The following NKAIN2 variants were observed in gnomAD, a reference collection of about 807,000 sequenced individuals.
NKAIN2 encodes sodium/potassium transporting ATPase interacting 2.
NKAIN2 carries 14 observed loss-of-function variants against 32.6 expected under a neutral mutation model. The observed-to-expected ratio is 0.43, with a 90% CI of 0.28 to 0.67. The LOEUF (loss-of-function observed/expected upper bound fraction) is 0.67. Among genes scored for constraint, NKAIN2 ranks in the 30% least tolerant of loss-of-function variants. The pLI is 0.17. For synonymous variants in NKAIN2, 80 were observed against 87.2 expected (o/e 0.92, Z 0.46); for missense variants, 198 against 258.3 (o/e 0.77, Z 1.60).
At chr6:124,323,556 C>T (rs1225848089) in intron 2 of NKAIN2, among the ~76,000 whole-genome samples, 2 of 151,964 alleles carry the variant, frequency 1.3e-5, no homozygotes, top group Non-Finnish European at 2.9e-5. Flanking sequence ...ACTACTCTTT[C>T]CCCCCACTTA....
intron 3 of NKAIN2, among the ~76,000 whole-genome samples, chr6:124,382,295 G>C (rs1033710280): frequency 3.4e-4 from 51 of 152,044 alleles, no homozygotes; most frequent in African/African-American, 1.2e-3. Context: ...AGGAGAAATT[G>C]ATTTATGAAC....
chr6:124,767,045 C>T, intron 4 of NKAIN2, among the ~76,000 whole-genome samples: 1 of 152,104 alleles, frequency 6.6e-6, no homozygotes, highest in Non-Finnish European at 1.5e-5. Flanking sequence ...TAGGCATCCG[C>T]CATCACGCCC....
At chr6:124,474,146 A>C (rs1049145739) in intron 3 of NKAIN2, among the ~76,000 whole-genome samples, 2 of 151,756 alleles carry the variant, frequency 1.3e-5, no homozygotes, top group East Asian at 3.9e-4. Flanking sequence ...TCTATCGCCC[A>C]GGCTAGCGTG....
At chr6:124,056,490 A>G (rs537504834) in intron 1 of NKAIN2, among the ~76,000 whole-genome samples, 2 of 152,084 alleles carry the variant, frequency 1.3e-5, no homozygotes, top group African/African-American at 2.4e-5. Flanking sequence ...AAAATTGCAA[A>G]CCTACCTCCT....
At chr6:123,976,756 C>A (rs146504731) in intron 1 of NKAIN2, among the ~76,000 whole-genome samples, 63 of 152,062 alleles carry the variant, frequency 4.1e-4, no homozygotes, top group Non-Finnish European at 6.5e-4. Context: ...TTATATGCAA[C>A]TGAATTGGAA....
intron 1 of NKAIN2, among the ~76,000 whole-genome samples, chr6:124,056,125 A>G: frequency 6.6e-6 from 1 of 152,018 alleles, no homozygotes; most frequent in East Asian, 1.9e-4. Flanking sequence ...CTTGCAGTAG[A>G]TTTGGCTGAG....
chr6:123,834,717 G>A (rs1774540072), intron 1 of NKAIN2, among the ~76,000 whole-genome samples: 2 of 152,078 alleles, frequency 1.3e-5, no homozygotes, highest in South Asian at 4.1e-4. Context: ...TTGTAGATAT[G>A]ATTTAGTAAG....
chr6:124,488,403 A>G (rs1301800823), intron 3 of NKAIN2, among the ~76,000 whole-genome samples: 1 of 152,008 alleles, frequency 6.6e-6, no homozygotes, highest in East Asian at 1.9e-4. Context: ...TCTGCTCAGA[A>G]CAGAAATTAC....
chr6:124,493,353 T>C (rs1312099996), intron 3 of NKAIN2, among the ~76,000 whole-genome samples: 1 of 151,850 alleles, frequency 6.6e-6, no homozygotes, highest in Non-Finnish European at 1.5e-5. Context: ...AAAAGGACAA[T>C]CATAAGAAAT....
intron 1 of NKAIN2, among the ~76,000 whole-genome samples, chr6:124,131,711 C>A (rs931497926): frequency 6.6e-6 from 1 of 152,106 alleles, no homozygotes; most frequent in Non-Finnish European, 1.5e-5. Context: ...GTGGAAAGAG[C>A]CTTGTAGGCA....
intron 1 of NKAIN2, among the ~76,000 whole-genome samples, chr6:123,925,434 G>A (rs1775964323): frequency 6.6e-6 from 1 of 152,082 alleles, no homozygotes; most frequent in African/African-American, 2.4e-5. Flanking sequence ...TTGCCTCCTG[G>A]GTATCTGTTA....
chr6:124,106,832 G>A (rs1785142313), intron 1 of NKAIN2, among the ~76,000 whole-genome samples: 1 of 152,148 alleles, frequency 6.6e-6, no homozygotes, highest in Non-Finnish European at 1.5e-5. Context: ...ATGAAATGCA[G>A]CAGTGAACAA....
At chr6:123,831,430 G>C (rs1774371462) in intron 1 of NKAIN2, among the ~76,000 whole-genome samples, 1 of 146,670 alleles carries the variant, frequency 6.8e-6, no homozygotes, top group African/African-American at 2.5e-5. Context: ...AGTTATCTAA[G>C]TGTCTATATA....
At position 123,905,866 on chromosome 6, in the gene NKAIN2, T is replaced by G. The variant is rs1171654015; in HGVS notation, c.54+101612T>G. ...TGTGACACATCAAGCTGAAAAGTAC[T>G]ATTAATCTTTGACTCTATATAAAAT... On this transcript the variant is annotated intron_variant, in intron 1 of 6. Coordinates refer to ENST00000368417, the MANE Select transcript of NKAIN2 (RefSeq NM_001040214.3). Among the ~76,000 whole-genome samples the G allele has an allele frequency of 2.0e-5, 3 of 152,208 alleles. No homozygotes were observed. The East Asian group carries it at 5.8e-4, about 29-fold the overall frequency.
At chr6:123,959,953 G>GTC (rs1554229354) in intron 1 of NKAIN2, among the ~76,000 whole-genome samples, 1 of 151,338 alleles carries the variant, frequency 6.6e-6, no homozygotes, top group Non-Finnish European at 1.5e-5. Flanking sequence ...GTGTGTGTGT[G>GTC]TGTGTGTGTG....
At chr6:124,740,488 TG>T (rs1295754839) in intron 4 of NKAIN2, among the ~76,000 whole-genome samples, 1 of 131,116 alleles carries the variant, frequency 7.6e-6, no homozygotes, top group African/African-American at 2.8e-5. Flanking sequence ...ATAGGTGCTA[TG>T]AAAAAAAAAC....
At chr6:124,519,937 A>T (rs1461806502) in intron 3 of NKAIN2, among the ~76,000 whole-genome samples, 7 of 152,114 alleles carry the variant, frequency 4.6e-5, no homozygotes, top group African/African-American at 1.7e-4. Flanking sequence ...TACAGTCATG[A>T]TCTCAATTAA....
chr6:123,919,854 T>C (rs1444951872), intron 1 of NKAIN2, among the ~76,000 whole-genome samples: 1 of 152,120 alleles, frequency 6.6e-6, no homozygotes. Context: ...AGAGCCTGGC[T>C]ACCATGAGGA....
chr6:124,795,141 G>A (rs995611995), intron 5 of NKAIN2, among the ~76,000 whole-genome samples: 3 of 152,144 alleles, frequency 2.0e-5, no homozygotes, highest in African/African-American at 4.8e-5. Flanking sequence ...TGCCAAATTG[G>A]TTAAGTTTCC....
Sources: gnomAD v4.1 joint callset for allele counts (sites outside exome capture counted in the v4.1 genomes callset) on GRCh38, gnomAD v4.1.1 for gene constraint, MANE v1.5 for transcripts, NCBI Gene and HGNC (gene_info 2026-07-23, HGNC 2026-07-21) for gene names.